The following HRH1 variants were observed in gnomAD, a reference collection of about 807,000 sequenced individuals.
The protein encoded by HRH1 is histamine receptor H1.
A neutral mutation model predicts 10.3 loss-of-function variants in HRH1; 6 were observed. The ratio of observed to expected loss-of-function variants is 0.58; its 90% CI spans 0.32 to 1.15. The LOEUF (loss-of-function observed/expected upper bound fraction) is 1.15. HRH1 is among the 50% of genes most tolerant of loss of function. The pLI is 0.05. For synonymous variants in HRH1, 242 were observed against 236.7 expected (o/e 1.02, Z -0.21); for missense variants, 514 against 615.3 (o/e 0.84, Z 1.74).
At chr3:11,231,837 C>G (rs1939049069) in intron 1 of HRH1, among the ~76,000 whole-genome samples, 1 of 151,938 alleles carries the variant, frequency 6.6e-6, no homozygotes, top group African/African-American at 2.4e-5. Flanking sequence ...TGATGGGGTC[C>G]AATTCATTGT....
chr3:11,173,201 A>G (rs1937187354), intron 1 of HRH1, among the ~76,000 whole-genome samples: 1 of 152,112 alleles, frequency 6.6e-6, no homozygotes, highest in African/African-American at 2.4e-5. Context: ...TGCACCATTT[A>G]CTTTATGATC....
At chr3:11,207,535 C>G (rs1304815980) in intron 1 of HRH1, among the ~76,000 whole-genome samples, 2 of 152,118 alleles carry the variant, frequency 1.3e-5, no homozygotes, top group Non-Finnish European at 2.9e-5. Context: ...TGCCACTGCA[C>G]TCCAGCCTGG....
intron 1 of HRH1, among the ~76,000 whole-genome samples, chr3:11,255,145 C>A (rs1437113790): frequency 6.6e-6 from 1 of 152,084 alleles, no homozygotes; most frequent in Non-Finnish European, 1.5e-5. Flanking sequence ...GAGAACTAAA[C>A]CTTTTTGAAG....
intron 1 of HRH1, among the ~76,000 whole-genome samples, chr3:11,142,285 C>T (rs1936306353): frequency 1.3e-5 from 2 of 152,216 alleles, no homozygotes; most frequent in South Asian, 2.1e-4. Context: ...TTGTAGGACA[C>T]CTTTGACAAG....
intron 1 of HRH1, among the ~76,000 whole-genome samples, chr3:11,224,422 G>A (rs1358616918): frequency 6.6e-6 from 1 of 152,186 alleles, no homozygotes; most frequent in Non-Finnish European, 1.5e-5. Flanking sequence ...GGAGGGCCGG[G>A]CGCGGTGGCT....
chr3:11,173,245 T>C (rs1937187949), intron 1 of HRH1, among the ~76,000 whole-genome samples: 1 of 152,234 alleles, frequency 6.6e-6, no homozygotes, highest in African/African-American at 2.4e-5. Flanking sequence ...TTGATTCATT[T>C]TTCTTGTCTG....
At chr3:11,247,983 C>A (rs1480934214) in intron 1 of HRH1, among the ~76,000 whole-genome samples, 1 of 152,170 alleles carries the variant, frequency 6.6e-6, no homozygotes, top group Non-Finnish European at 1.5e-5. Context: ...CGAACCATTT[C>A]TCCATGAGGG....
At chr3:11,158,400 C>T (rs1396863851) in intron 1 of HRH1, among the ~76,000 whole-genome samples, 1 of 152,152 alleles carries the variant, frequency 6.6e-6, no homozygotes, top group Non-Finnish European at 1.5e-5. Context: ...AGAGAAGAAA[C>T]AGGTTCAGAG....
chr3:11,165,843 T>C (rs549295521), intron 1 of HRH1, among the ~76,000 whole-genome samples: 73 of 152,382 alleles, frequency 4.8e-4, no homozygotes, highest in Admixed American at 1.6e-3. Context: ...TCAGCTTCTG[T>C]GCTTATTAGT....
At chr3:11,249,402 C>CCAA (rs1939578574) in intron 1 of HRH1, among the ~76,000 whole-genome samples, 1 of 71,878 alleles carries the variant, frequency 1.4e-5, no homozygotes, top group African/African-American at 5.9e-5. Flanking sequence ...GACTCTGTCT[C>CCAA]AAAAAAAAAA....
At chr3:11,168,127 G>A (rs948307706) in intron 1 of HRH1, among the ~76,000 whole-genome samples, 6 of 152,180 alleles carry the variant, frequency 3.9e-5, no homozygotes, top group East Asian at 1.9e-4. Flanking sequence ...ATGCATGCCC[G>A]TATCTCAGTG....
At chr3:11,159,115 G>A (rs1157890378) in intron 1 of HRH1, among the ~76,000 whole-genome samples, 2 of 152,202 alleles carry the variant, frequency 1.3e-5, no homozygotes, top group East Asian at 3.8e-4. Context: ...AGGCATGGTG[G>A]TGCATGCCTG....
intron 1 of HRH1, among the ~76,000 whole-genome samples, chr3:11,156,142 C>T (rs1446631189): frequency 6.6e-6 from 1 of 152,174 alleles, no homozygotes; most frequent in Non-Finnish European, 1.5e-5. Context: ...CCTGGACAAC[C>T]CCATGTAAAT....
chr3:11,205,607 C>T (rs1938091586), intron 1 of HRH1, among the ~76,000 whole-genome samples: 1 of 151,902 alleles, frequency 6.6e-6, no homozygotes, highest in South Asian at 2.1e-4. Context: ...GCTCTCCCAG[C>T]ACCCCATGTT....
At position 11,260,168 on chromosome 3, in the gene HRH1, G is replaced by C. The variant is rs200553830; in HGVS notation, c.1131G>C (p.Arg377Ser). The C allele has an allele frequency of 5.2e-5, 84 of 1,613,936 alleles. No homozygotes were observed. Among genetic ancestry groups the C allele is most frequent in the Non-Finnish European group, 6.9e-5 (81 of 1,180,022 alleles). The change falls in exon 2 of 2, where the codon AGG becomes AGC. Residue 377 changes from arginine to serine, a missense_variant. Arg to Ser is a moderately radical substitution (Grantham distance 110). Coordinates refer to ENST00000431010, the MANE Select transcript of HRH1 (RefSeq NM_001098212.2). ...TETAPGKGKL[R>S]SGSNTGLDYI... ...CAGCACCAGGCAAAGGCAAATTGAG[G>C]AGTGGGTCTAACACAGGCCTGGATT...
At chr3:11,146,172 C>T (rs893867008) in intron 1 of HRH1, among the ~76,000 whole-genome samples, 13 of 152,192 alleles carry the variant, frequency 8.5e-5, no homozygotes, top group Non-Finnish European at 1.0e-4. Flanking sequence ...CCATCAGTCA[C>T]GTATGAGTTC....
chr3:11,144,479 A>ATACCTATAGACGTATAGACATACGTT (rs747602747), intron 1 of HRH1, among the ~76,000 whole-genome samples: 1 of 143,206 alleles, frequency 7.0e-6, no homozygotes, highest in Non-Finnish European at 1.6e-5. Flanking sequence ...ATAGACATAT[A>ATACCTATAGACGTATAGACATACGTT]TATACACACA....
intron 1 of HRH1, among the ~76,000 whole-genome samples, chr3:11,191,947 T>C (rs1322428373): frequency 1.3e-5 from 2 of 152,202 alleles, no homozygotes; most frequent in Admixed American, 6.5e-5. Flanking sequence ...AATGCAGTGC[T>C]AGACTCTTCT....
At chr3:11,176,181 A>AG (rs1553569767) in intron 1 of HRH1, among the ~76,000 whole-genome samples, 1 of 151,930 alleles carries the variant, frequency 6.6e-6, no homozygotes, top group African/African-American at 2.4e-5. Context: ...AAAAAAAAAA[A>AG]AGAGAGAAAT....
Sources: gnomAD v4.1 joint callset for allele counts (sites outside exome capture counted in the v4.1 genomes callset) on GRCh38, gnomAD v4.1.1 for gene constraint, MANE v1.5 for transcripts, NCBI Gene and HGNC (gene_info 2026-07-23, HGNC 2026-07-21) for gene names.